CUX1: variants seen among roughly 807,000 people sequenced by gnomAD.
The protein encoded by CUX1 is cut like homeobox 1, also known as protein CASP.
A neutral mutation model predicts 158.8 loss-of-function variants in CUX1; 31 were observed. The observed-to-expected ratio is 0.20, with a 90% CI of 0.15 to 0.26. CUX1 has a LOEUF of 0.26. Among genes scored for constraint, CUX1 ranks in the 10% least tolerant of loss-of-function variants. The pLI is 1.00. For synonymous variants in CUX1, 879 were observed against 862.1 expected (o/e 1.02, Z -0.34); for missense variants, 1,589 against 2,014.6 (o/e 0.79, Z 4.04).
At chr7:101,927,739 A>T (rs575599126) in intron 2 of CUX1, among the ~76,000 whole-genome samples, 11 of 152,340 alleles carry the variant, frequency 7.2e-5, no homozygotes, top group Admixed American at 2.0e-4. Flanking sequence ...TTCTGGGCCA[A>T]AGGCCCAGAA....
chr7:102,233,791 AAAT>A (rs1563458836), intron 21 of CUX1, among the ~76,000 whole-genome samples: 1 of 152,178 alleles, frequency 6.6e-6, no homozygotes, highest in East Asian at 1.9e-4. Flanking sequence ...CATCTCAAAA[AAAT>A]AATAATAATA....
intron 14 of CUX1, among the ~76,000 whole-genome samples, chr7:102,272,233 G>A (rs2132797705): frequency 6.6e-6 from 1 of 152,328 alleles, no homozygotes; most frequent in Non-Finnish European, 1.5e-5. Context: ...GTGGGGGTGA[G>A]GCTGGGCTGC....
intron 1 of CUX1, among the ~76,000 whole-genome samples, chr7:101,874,713 CAG>C (rs931171532): frequency 2.0e-5 from 3 of 152,154 alleles, no homozygotes; most frequent in Non-Finnish European, 2.9e-5. Context: ...ATCGTGAACT[CAG>C]GGGAAACAGA....
At chr7:101,898,240 C>T (rs1240220747) in intron 1 of CUX1, among the ~76,000 whole-genome samples, 1 of 152,078 alleles carries the variant, frequency 6.6e-6, no homozygotes, top group Admixed American at 6.6e-5. Context: ...AGAAGTTTTC[C>T]CCAATGTAAA....
At chr7:101,901,403 C>T (rs1802126627) in intron 1 of CUX1, among the ~76,000 whole-genome samples, 1 of 152,102 alleles carries the variant, frequency 6.6e-6, no homozygotes, top group African/African-American at 2.4e-5. Flanking sequence ...TAGCGATTCT[C>T]CTGCCTCAGC....
chr7:102,246,796 C>T (rs756839476), intron 23 of CUX1, among the ~76,000 whole-genome samples: 4 of 152,214 alleles, frequency 2.6e-5, no homozygotes, highest in African/African-American at 4.8e-5. Flanking sequence ...TCTCGAACGC[C>T]GGGCCTCAAG....
chr7:102,064,443 A>G (rs950583097), intron 3 of CUX1, among the ~76,000 whole-genome samples: 5 of 151,936 alleles, frequency 3.3e-5, no homozygotes, highest in African/African-American at 4.9e-5. Context: ...CTCTTCAGCA[A>G]TTCTTGCCTT....
intron 1 of CUX1, among the ~76,000 whole-genome samples, chr7:101,872,019 C>A (rs113793845): frequency 0.38 from 55,434 of 146,240 alleles, 11,565 homozygotes; most frequent in East Asian, 0.86. Context: ...CTCCATCCCC[C>A]CAAAAAAAAA....
rs11427183 is a variant in CUX1 at position 102,041,256 on chromosome 7, CTTTTTT to C, written c.189+13133_189+13138del. 1.0e-3 allele frequency among the ~76,000 whole-genome samples: 70 copies of C among 69,916 alleles called. 1 individual carries two copies. The East Asian group carries it at 0.019, about 19-fold the overall frequency. 45.9% of individuals were successfully genotyped at this position (69,916 alleles called of 152,430 possible). ...GGGAGATTGTCACCTCTTATCCATT[CTTTTTT>C]TTTTTTTTTTTTTTTTTTTTTGAAA... On this transcript the variant is annotated intron_variant, in intron 3 of 23. Coordinates refer to ENST00000292535, the MANE Select transcript of CUX1 (RefSeq NM_181552.4).
intron 2 of CUX1, among the ~76,000 whole-genome samples, chr7:101,969,859 A>G (rs972907267): frequency 6.6e-6 from 1 of 152,070 alleles, no homozygotes; most frequent in Non-Finnish European, 1.5e-5. Context: ...GATCTGCAGT[A>G]ATAATTAAGT....
chr7:102,100,210 G>A (rs940715862), intron 5 of CUX1, among the ~76,000 whole-genome samples: 5 of 152,134 alleles, frequency 3.3e-5, no homozygotes, highest in Admixed American at 3.3e-4. Flanking sequence ...CCTGGGAGGT[G>A]GAGGTTGCAG....
chr7:102,045,867 A>AG (rs1822717404), intron 3 of CUX1, among the ~76,000 whole-genome samples: 1 of 152,214 alleles, frequency 6.6e-6, no homozygotes, highest in Non-Finnish European at 1.5e-5. Context: ...CATCTCCGCC[A>AG]GGGGACCCGC....
chr7:101,893,994 A>G (rs1801192779), intron 1 of CUX1, among the ~76,000 whole-genome samples: 1 of 152,210 alleles, frequency 6.6e-6, no homozygotes, highest in Non-Finnish European at 1.5e-5. Context: ...TGTGTGAAAT[A>G]TATATTCAAG....
chr7:101,992,632 T>C (rs1347398044), intron 2 of CUX1, among the ~76,000 whole-genome samples: 3 of 152,142 alleles, frequency 2.0e-5, no homozygotes, highest in African/African-American at 7.2e-5. Context: ...GATACTGATT[T>C]AGATCTTATT....
At chr7:101,871,294 T>A (rs1422370929) in intron 1 of CUX1, among the ~76,000 whole-genome samples, 2 of 146,342 alleles carry the variant, frequency 1.4e-5, no homozygotes, top group Non-Finnish European at 3.0e-5. Flanking sequence ...CTCAGTTACA[T>A]GATAATTCTA....
chr7:102,254,098 C>T lies in CUX1; in HGVS notation c.*5056C>T, dbSNP rs189948673. ...TGTCTCTCCTTTTGTGAGCGCAACA[C>T]GGACAAACAGCTGTGCTCTGCAAGG... On this transcript the variant is annotated 3_prime_UTR_variant, in exon 24 of 24. Coordinates refer to ENST00000292535, the MANE Select transcript of CUX1 (RefSeq NM_181552.4). The T allele has an allele frequency of 1.3e-4, 126 of 985,442 alleles. 1 individual carries two copies. In the Middle Eastern group the frequency reaches 4.2e-3, roughly 33 times the overall value. The allele number at this position is 985,442 out of a possible 1,614,324, so 61.0% of individuals were successfully genotyped here. A position where few individuals can be genotyped will look rare whatever the true frequency, so the allele number is the denominator to read the frequency against.
chr7:102,275,354 G>C, exon 17 of CUX1: 3 of 1,611,866 alleles, frequency 1.9e-6, no homozygotes, highest in Non-Finnish European at 2.5e-6. Flanking sequence ...CCAGGAGCTT[G>C]AGGCCGTGAG....
At chr7:102,091,928 G>A (rs1828623124) in intron 4 of CUX1, among the ~76,000 whole-genome samples, 1 of 152,138 alleles carries the variant, frequency 6.6e-6, no homozygotes, top group South Asian at 2.1e-4. Flanking sequence ...GCTAATTTTT[G>A]TATTTTTCCT....
intron 20 of CUX1, among the ~76,000 whole-genome samples, chr7:102,222,313 A>G (rs1208042191): frequency 6.6e-6 from 1 of 152,146 alleles, no homozygotes; most frequent in East Asian, 1.9e-4. Flanking sequence ...TGACGCAGGA[A>G]TGACGGTAGG....
Sources: allele counts gnomAD v4.1 joint callset (sites outside exome capture counted in the v4.1 genomes callset), GRCh38; gene constraint gnomAD v4.1.1; transcripts MANE v1.5; gene names NCBI Gene and HGNC (gene_info 2026-07-23, HGNC 2026-07-21).